The following VAT1L variants were observed in gnomAD, a reference collection of about 807,000 sequenced individuals.
VAT1L encodes putative NADPH-dependent quinone oxidoreductase VAT1L.
In VAT1L, 34 loss-of-function variants were observed where a neutral mutation model predicts 44.1. The ratio of observed to expected loss-of-function variants is 0.77; its 90% CI spans 0.59 to 1.03. The LOEUF (loss-of-function observed/expected upper bound fraction) is 1.03. Among genes scored for constraint, VAT1L ranks in the 50% least tolerant of loss-of-function variants. The pLI is 0.00. For missense variants in VAT1L, 615 were observed against 538.8 expected (o/e 1.14, Z -1.40); for synonymous variants, 253 against 202.2 (o/e 1.25, Z -2.13).
chr16:77,788,898 G>T lies in VAT1L; in HGVS notation c.216G>T (p.Lys72Asn). The T allele has an allele frequency of 6.5e-7, 1 of 1,534,810 alleles. No individual in the cohort carries two copies. Residue 72 changes from lysine to asparagine, a missense_variant, in exon 1 of 9, where the codon AAG becomes AAT. Transcript: ENST00000302536. ...CCGAGCCTCAGGACGGCGAGCTCAA[G>T]ATCCGCGTCAAAGCCTGGTCCAGTA... ...AMPEPQDGEL[K>N]IRVKACGLNF...
intron 7 of VAT1L, among the ~76,000 whole-genome samples, chr16:77,953,631 C>T (rs941981109): frequency 6.6e-6 from 1 of 152,132 alleles, no homozygotes; most frequent in African/African-American, 2.4e-5. Flanking sequence ...GTCTCGAACT[C>T]CTGGGGGCTC....
chr16:77,921,726 A>G (rs980369156), intron 7 of VAT1L, among the ~76,000 whole-genome samples: 2 of 152,184 alleles, frequency 1.3e-5, no homozygotes, highest in Non-Finnish European at 2.9e-5. Context: ...TGAATAAGTA[A>G]CAATCAAGGA....
intron 1 of VAT1L, among the ~76,000 whole-genome samples, chr16:77,812,247 A>G (rs1487142984): frequency 6.6e-6 from 1 of 151,784 alleles, no homozygotes; most frequent in Non-Finnish European, 1.5e-5. Context: ...TAATTTTTGT[A>G]TTTTTAGTAG....
chr16:77,949,539 A>G (rs1232976045), intron 7 of VAT1L, among the ~76,000 whole-genome samples: 1 of 152,214 alleles, frequency 6.6e-6, no homozygotes, highest in East Asian at 1.9e-4. Flanking sequence ...ACATGAATAG[A>G]TTAATGCCCT....
rs56055464 is a variant in VAT1L, at chr16:77,945,278, C to CTTTTTTTTTTTTTTTTTT, written c.1078-26556_1078-26555insTTTTTTTTTTTTTTTTTT. 8.4e-5 allele frequency among the ~76,000 whole-genome samples: 7 copies of CTTTTTTTTTTTTTTTTTT among 83,060 alleles called. 1 individual carries two copies. The highest frequency in any genetic ancestry group is 1.1e-4 in the Non-Finnish European group (5 of 45,744). 54.5% of individuals were successfully genotyped at this position (83,060 alleles called of 152,430 possible). On this transcript the variant is annotated intron_variant, in intron 7 of 8. Transcript: ENST00000302536. ...GAATGGCCAATTCCAGATTGCAGAA[C>CTTTTTTTTTTTTTTTTTT]TTTTTTTTTTTTTTTTGAGAGAGAG...
intron 7 of VAT1L, among the ~76,000 whole-genome samples, chr16:77,926,623 G>A (rs557978433): frequency 6.6e-6 from 1 of 152,114 alleles, no homozygotes; most frequent in South Asian, 2.1e-4. Context: ...AAGATACGGT[G>A]GTTGATTAAG....
chr16:77,869,893 G>A (rs1014448764), intron 4 of VAT1L, among the ~76,000 whole-genome samples: 6 of 152,156 alleles, frequency 3.9e-5, no homozygotes, highest in African/African-American at 1.2e-4. Context: ...AAGCCAAGGA[G>A]TATAAGATCA....
chr16:77,932,008 ATCCACGCC>A (rs1195974377), intron 7 of VAT1L, among the ~76,000 whole-genome samples: 1 of 151,964 alleles, frequency 6.6e-6, no homozygotes, highest in Non-Finnish European at 1.5e-5. Flanking sequence ...TCATTCATTC[ATCCACGCC>A]TGAGCATTTA....
chr16:77,912,791 G>T (rs1016351385), intron 7 of VAT1L, among the ~76,000 whole-genome samples: 1 of 152,138 alleles, frequency 6.6e-6, no homozygotes. Context: ...CACAGTTCTG[G>T]AGGCTCGCAA....
chr16:77,862,669 A>C, intron 3 of VAT1L, 79 bp from the exon 4 acceptor site: 1 of 1,408,444 alleles, frequency 7.1e-7, no homozygotes, highest in Non-Finnish European at 9.5e-7. Context: ...CGATGGAGAA[A>C]TCCTGCTCTA....
intron 8 of VAT1L, among the ~76,000 whole-genome samples, chr16:77,974,928 A>T (rs619599): frequency 0.87 from 131,610 of 151,914 alleles, 57,647 homozygotes; most frequent in East Asian, 0.96. Flanking sequence ...AGAATGGGTA[A>T]TCAGAGCAAC....
At chr16:77,959,409 T>A (rs1301083767) in intron 7 of VAT1L, among the ~76,000 whole-genome samples, 1 of 152,246 alleles carries the variant, frequency 6.6e-6, no homozygotes, top group Admixed American at 6.5e-5. Context: ...ATGTTTTAGA[T>A]AATCATCAAT....
At chr16:77,912,384 TTAA>T (rs1366848389) in intron 7 of VAT1L, among the ~76,000 whole-genome samples, 3 of 152,172 alleles carry the variant, frequency 2.0e-5, no homozygotes, top group South Asian at 4.2e-4. Flanking sequence ...TGGGAAAATG[TTAA>T]TAATGGTTGA....
chr16:77,873,669 A>G (rs58615738), intron 4 of VAT1L, among the ~76,000 whole-genome samples: 1,950 of 152,330 alleles, frequency 0.013, 50 homozygotes, highest in African/African-American at 0.044. Flanking sequence ...ACTAAAAAGT[A>G]TCTCCAGTGT....
intron 7 of VAT1L, among the ~76,000 whole-genome samples, chr16:77,946,287 T>TTTTTTTTTTTTTG (rs2017965260): frequency 9.8e-6 from 1 of 101,908 alleles, no homozygotes; most frequent in Non-Finnish European, 2.0e-5. Flanking sequence ...TTCTTTTTTT[T>TTTTTTTTTTTTTG]TTTTTTTTTT....
At chr16:77,968,360 C>CA (rs1313324367) in intron 7 of VAT1L, among the ~76,000 whole-genome samples, 2 of 152,180 alleles carry the variant, frequency 1.3e-5, no homozygotes, top group East Asian at 3.9e-4. Flanking sequence ...ATGCCGTAGA[C>CA]AGAGTAGTGA....
At chr16:77,921,012 G>A (rs146794680) in intron 7 of VAT1L, among the ~76,000 whole-genome samples, 257 of 152,146 alleles carry the variant, frequency 1.7e-3, no homozygotes, top group African/African-American at 5.8e-3. Flanking sequence ...TTCATCAGAA[G>A]TTAACACAAA....
intron 6 of VAT1L, among the ~76,000 whole-genome samples, chr16:77,880,345 A>G (rs965293645): frequency 2.0e-5 from 3 of 152,144 alleles, no homozygotes; most frequent in East Asian, 3.9e-4. Context: ...ATTTTGGTAG[A>G]GACAAGGTTT....
At chr16:77,950,790 G>C (rs774832130) in intron 7 of VAT1L, among the ~76,000 whole-genome samples, 2 of 152,040 alleles carry the variant, frequency 1.3e-5, no homozygotes, top group Non-Finnish European at 2.9e-5. Context: ...CCTTTTAAAA[G>C]GCTGTTTCTA....
Sources: allele counts gnomAD v4.1 joint callset (sites outside exome capture counted in the v4.1 genomes callset), GRCh38; gene constraint gnomAD v4.1.1; transcripts MANE v1.5; gene names NCBI Gene and HGNC (gene_info 2026-07-23, HGNC 2026-07-21).